The following WWOX variants were observed in gnomAD, a reference collection of about 807,000 sequenced individuals.
WWOX encodes WW domain-containing oxidoreductase.
WWOX carries 69 observed loss-of-function variants against 46.2 expected under a neutral mutation model. The ratio of observed to expected loss-of-function variants is 1.49; its 90% CI spans 1.23 to 1.82. WWOX has a LOEUF of 1.82. WWOX is among the 40% of genes most tolerant of loss of function. The pLI is 0.00. For missense variants in WWOX, 919 were observed against 542.6 expected, an observed-to-expected ratio of 1.69 and a Z score of -6.89; for synonymous variants, 359 against 202.6, an observed-to-expected ratio of 1.77 and a Z score of -6.56.
Position 78,234,760 on chromosome 16 carries a change from A to G in WWOX, c.516+70471A>G, listed in dbSNP as rs948939939. Among the ~76,000 whole-genome samples, 5 of 150,332 alleles carry G rather than the reference A, an allele frequency of 3.3e-5. No homozygotes were observed. The Admixed American group carries it at 3.3e-4, about 10-fold the overall frequency. Reference sequence around the variant, plus strand: ...CCACAAGTCTCTATTTTTAAAATAGAGGTACAATGATAAAACAAAACAAAA... The same window carrying G: ...CCACAAGTCTCTATTTTTAAAATAGGGGTACAATGATAAAACAAAACAAAA... On this transcript the variant is annotated intron_variant, in intron 5 of 8. Coordinates refer to ENST00000566780, the MANE Select transcript of WWOX (RefSeq NM_016373.4).
intron 8 of WWOX, among the ~76,000 whole-genome samples, chr16:79,043,209 A>C (rs770142266): frequency 1.3e-5 from 2 of 152,164 alleles, no homozygotes; most frequent in Non-Finnish European, 2.9e-5. Context: ...AATGAAAAAA[A>C]AATCTATGTA....
chr16:78,632,845 A>G (rs912602432), intron 8 of WWOX, among the ~76,000 whole-genome samples: 1 of 152,032 alleles, frequency 6.6e-6, no homozygotes, highest in African/African-American at 2.4e-5. Context: ...GCTGTGAGCC[A>G]CTGCGCCCGG....
intron 8 of WWOX, among the ~76,000 whole-genome samples, chr16:78,843,151 T>G (rs1423178209): frequency 6.7e-6 from 1 of 149,966 alleles, no homozygotes; most frequent in Non-Finnish European, 1.5e-5. Flanking sequence ...ATGGAGTGTG[T>G]TACTTTATTA....
chr16:78,324,170 G>C (rs1045008185), intron 5 of WWOX, among the ~76,000 whole-genome samples: 1 of 152,098 alleles, frequency 6.6e-6, no homozygotes, highest in Non-Finnish European at 1.5e-5. Context: ...AGGTCATGCT[G>C]CTTTCCTCAA....
In WWOX at chr16:78,605,131, C is replaced by CT. The variant is rs547043320; in HGVS notation, c.1056+172388dup. On this transcript the variant is annotated intron_variant, in intron 8 of 8. Coordinates refer to ENST00000566780, the MANE Select transcript of WWOX (RefSeq NM_016373.4). ...GTTAAGTCTGTGTTAGCCTGGCTAG[C>CT]TTTTTTTTTCTCTACTAGACCTTCA... Among the ~76,000 whole-genome samples the CT allele has an allele frequency of 1.7e-4, 26 of 149,138 alleles. No individual in the cohort carries two copies. The South Asian group carries it at 2.6e-3, about 15-fold the overall frequency.
At chr16:78,783,138 A>C (rs879573591) in intron 8 of WWOX, among the ~76,000 whole-genome samples, 5 of 152,258 alleles carry the variant, frequency 3.3e-5, no homozygotes, top group African/African-American at 1.2e-4. Context: ...AAAACAAAAC[A>C]AAAGCACATC....
intron 8 of WWOX, among the ~76,000 whole-genome samples, chr16:78,629,883 A>G (rs899934550): frequency 6.6e-6 from 1 of 152,258 alleles, no homozygotes; most frequent in African/African-American, 2.4e-5. Context: ...TTAGAAAATT[A>G]TCTAAGAAGT....
chr16:78,524,986 C>T (rs2043429495), intron 8 of WWOX, among the ~76,000 whole-genome samples: 1 of 150,218 alleles, frequency 6.7e-6, no homozygotes, highest in African/African-American at 2.4e-5. Context: ...GTGTTTCAGC[C>T]TCCTGAGTAG....
At chr16:78,155,976 T>C (rs995725514) in intron 4 of WWOX, among the ~76,000 whole-genome samples, 5 of 152,232 alleles carry the variant, frequency 3.3e-5, no homozygotes, top group Non-Finnish European at 7.3e-5. Flanking sequence ...TATCATCTTT[T>C]GAAATAGCCA....
chr16:78,162,636 A>G lies in WWOX; in HGVS notation c.410-1547A>G, dbSNP rs145363897. Among the ~76,000 whole-genome samples, 5 of 152,190 alleles carry G rather than the reference A, an allele frequency of 3.3e-5. No individual in the cohort carries two copies. In the East Asian group the frequency reaches 9.7e-4, roughly 29 times the overall value. ...AGGATACTTCTTTTTTTGGCCGTGT[A>G]TGCGTCATTGATTTTGTAACATTAT... On this transcript the variant is annotated intron_variant, in intron 4 of 8. Transcript: ENST00000566780.
In WWOX at chr16:78,651,685, A is replaced by G. The variant is rs1051606810; in HGVS notation, c.1056+218933A>G. Among the ~76,000 whole-genome samples the G allele has an allele frequency of 3.3e-5, 5 of 152,274 alleles. No homozygotes were observed. In the South Asian group the frequency reaches 1.0e-3, roughly 32 times the overall value. On this transcript the variant is annotated intron_variant, in intron 8 of 8. Transcript: ENST00000566780. The stretch of plus-strand genomic sequence containing the variant: ...CTGCCTCCCCTTCTCCCACCTGTGC[A>G]GGTGTTAAGCATCAGTACATAACTG...
intron 8 of WWOX, among the ~76,000 whole-genome samples, chr16:78,933,210 G>T (rs902524563): frequency 6.6e-6 from 1 of 152,206 alleles, no homozygotes; most frequent in African/African-American, 2.4e-5. Flanking sequence ...AGGCCAAGGC[G>T]GGTGGATCAC....
chr16:78,352,731 G>A (rs567212832), intron 5 of WWOX, among the ~76,000 whole-genome samples: 217 of 152,270 alleles, frequency 1.4e-3, no homozygotes, highest in Admixed American at 2.7e-3. Flanking sequence ...ACATATTGGG[G>A]TAGAGGGCAT....
chr16:78,283,858 C>T (rs1303704284), intron 5 of WWOX, among the ~76,000 whole-genome samples: 1 of 152,128 alleles, frequency 6.6e-6, no homozygotes, highest in Non-Finnish European at 1.5e-5. Flanking sequence ...TTGTAATTGA[C>T]ATATAGTTGT....
intron 8 of WWOX, among the ~76,000 whole-genome samples, chr16:78,805,775 C>T (rs1347005591): frequency 1.3e-5 from 2 of 152,152 alleles, no homozygotes; most frequent in Non-Finnish European, 2.9e-5. Flanking sequence ...CATAGATATC[C>T]AGTTTTTGTT....
chr16:78,909,307 G>C (rs1202429311), intron 8 of WWOX, among the ~76,000 whole-genome samples: 1 of 152,154 alleles, frequency 6.6e-6, no homozygotes, highest in Non-Finnish European at 1.5e-5. Flanking sequence ...ATGCCAAGGG[G>C]GAAAGAATTT....
intron 8 of WWOX, among the ~76,000 whole-genome samples, chr16:78,809,907 A>G (rs570955016): frequency 1.6e-3 from 239 of 152,284 alleles, no homozygotes; most frequent in Non-Finnish European, 2.6e-3. Flanking sequence ...GTGGGTTAGC[A>G]TGTTCCACAC....
intron 8 of WWOX, among the ~76,000 whole-genome samples, chr16:78,461,340 G>A (rs1327917608): frequency 3.3e-5 from 5 of 151,918 alleles, no homozygotes; most frequent in South Asian, 2.1e-4. Flanking sequence ...GGAACTCATC[G>A]GTAAGGCCAG....
intron 8 of WWOX, among the ~76,000 whole-genome samples, chr16:79,040,275 A>ATTT (rs35194921): frequency 0.038 from 5,238 of 139,194 alleles, 140 homozygotes; most frequent in South Asian, 0.06. Context: ...TTCTGAGTTG[A>ATTT]TTTTTTTTTT....
Sources: gnomAD v4.1 joint callset for allele counts (sites outside exome capture counted in the v4.1 genomes callset) on GRCh38, gnomAD v4.1.1 for gene constraint, MANE v1.5 for transcripts, NCBI Gene and HGNC (gene_info 2026-07-23, HGNC 2026-07-21) for gene names.